HSPG2: variants seen among roughly 807,000 people sequenced by gnomAD.
The protein encoded by HSPG2 is basement membrane-specific heparan sulfate proteoglycan core protein.
Under a neutral mutation model 526.6 loss-of-function variants are expected in HSPG2, and 278 were observed. The observed-to-expected ratio is 0.53, with a 90% confidence interval of 0.48 to 0.58. HSPG2 has a LOEUF of 0.58. Ranked by LOEUF, HSPG2 falls within the 20% of genes least tolerant of loss-of-function variation. The probability of loss-of-function intolerance (pLI) is 0.00; values close to 1 mark genes in which losing one functional copy is unlikely to be tolerated. For missense variants in HSPG2, 5,354 were observed against 6,099.5 expected (o/e 0.88, Z 4.07); for synonymous variants, 2,465 against 2,555.4 (o/e 0.96, Z 1.07).
At chr1:21,867,890 C>T (rs376427347) in intron 33 of HSPG2, among the ~76,000 whole-genome samples, 23 of 152,208 alleles carry the variant, frequency 1.5e-4, no homozygotes, top group African/African-American at 3.6e-4. Context: ...CCAACACACC[C>T]GGCTAGTTTT....
At chr1:21,902,259 G>A (rs931231308) in intron 1 of HSPG2, among the ~76,000 whole-genome samples, 1 of 152,190 alleles carries the variant, frequency 6.6e-6, no homozygotes, top group African/African-American at 2.4e-5. Context: ...TGCTTGTGCT[G>A]CCCGTGCCAC....
In HSPG2 at chr1:21,884,550, A is replaced by G. The variant is rs748201279; in HGVS notation, c.1632T>C (p.Phe544=). The part of the protein sequence containing the change: ...RRFRDQIRLR[F]DQPDDFKGVN... ...CACCCTTGAAGTCATCGGGTTGGTC[A>G]AAGCGCAGCCTGATCTGGTCCCGGA... The change falls in exon 13 of 97, where the codon TTT becomes TTC. Residue 544 remains phenylalanine (F), a synonymous_variant. Coordinates refer to ENST00000374695, the MANE Select transcript of HSPG2 (RefSeq NM_005529.7). 98 of 1,611,146 alleles carry G rather than the reference A, an allele frequency of 6.1e-5. No homozygotes were observed. The highest frequency in any genetic ancestry group is 7.8e-5 in the Non-Finnish European group (92 of 1,179,912).
At chr1:21,929,937 TC>T (rs1373292405) in intron 1 of HSPG2, among the ~76,000 whole-genome samples, 2 of 152,002 alleles carry the variant, frequency 1.3e-5, no homozygotes, top group African/African-American at 4.8e-5. Context: ...CTCTGGACCC[TC>T]CCCGTGCTCC....
chr1:21,878,090 C>T, intron 21 of HSPG2, 96 bp downstream of exon 21: 2 of 1,171,464 alleles, frequency 1.7e-6, no homozygotes. Context: ...ACCCACTGGC[C>T]AAGGATCTAT....
rs1334714324 is a variant in HSPG2 at position 21,854,397 on chromosome 1, C to T, written c.6289-54G>A. ...AGGACAGGGACGGGGGCTATTGTCACCACTCCCTCAGCCTCAGTGATTCAT... is the reference window on the plus strand; with the variant it reads ...AGGACAGGGACGGGGGCTATTGTCATCACTCCCTCAGCCTCAGTGATTCAT... On this transcript the variant is annotated intron_variant, in intron 49 of 96. Coordinates refer to ENST00000374695, the MANE Select transcript of HSPG2 (RefSeq NM_005529.7). 3.2e-6 allele frequency: 5 copies of T among 1,545,702 alleles called. No homozygotes were observed. In the East Asian group the frequency reaches 1.2e-4, roughly 37 times the overall value.
Position 21,861,837 on chromosome 1 carries a change from G to A in HSPG2, c.4875C>T (p.Ser1625=). The A allele has an allele frequency of 6.2e-7, 1 of 1,613,594 alleles. No individual in the cohort carries two copies. The highest frequency in any genetic ancestry group is 8.5e-7 in the Non-Finnish European group (1 of 1,180,000). The change falls in exon 39 of 97, where the codon TCC becomes TCT. Residue 1625 remains serine (S), a synonymous_variant. Coordinates refer to ENST00000374695, the MANE Select transcript of HSPG2 (RefSeq NM_005529.7). Reference sequence around the variant, plus strand: ...CGGCTCCCAGGCTCTCACAGGTGCGGGAAAACCTGGGATCGGGGAGGCAAA... The same window carrying A: ...CGGCTCCCAGGCTCTCACAGGTGCGAGAAAACCTGGGATCGGGGAGGCAAA... ...CPLTNPENMF[S]RTCESLGAGG...
intron 22 of HSPG2, 45 bp downstream of exon 22, chr1:21,876,467 C>T (rs761152106): frequency 1.1e-5 from 18 of 1,612,660 alleles, no homozygotes; most frequent in Middle Eastern, 1.6e-4. Context: ...TTGGTCCATC[C>T]GGCCCAGGGC....
chr1:21,910,662 C>A, intron 1 of HSPG2, among the ~76,000 whole-genome samples: 1 of 152,172 alleles, frequency 6.6e-6, no homozygotes, highest in African/African-American at 2.4e-5. Flanking sequence ...CAGTAGGTGC[C>A]AAATAAATAT....
chr1:21,832,215 C>T (rs527563472), intron 81 of HSPG2, among the ~76,000 whole-genome samples: 6 of 152,190 alleles, frequency 3.9e-5, no homozygotes, highest in Non-Finnish European at 8.8e-5. Flanking sequence ...CAGTGCCTGG[C>T]ACACATGGGG....
intron 57 of HSPG2, among the ~76,000 whole-genome samples, chr1:21,849,719 G>A (rs1453135862): frequency 6.6e-6 from 1 of 151,628 alleles, no homozygotes; most frequent in African/African-American, 2.4e-5. Flanking sequence ...TTGCTCTGTC[G>A]CCCAGGCTGG....
Position 21,878,578 on chromosome 1 carries a change from T to C in HSPG2, c.2557A>G (p.Ser853Gly). ...APGYTGRRCE[S>G]CAPGYEGNPI... ...GCAGCCCCCAAGGCTCTCCCTCACCTCTCACAGCGGCGGCCAGTGTAGCCT... is the reference window on the plus strand; with the variant it reads ...GCAGCCCCCAAGGCTCTCCCTCACCCCTCACAGCGGCGGCCAGTGTAGCCT... The change falls in exon 19 of 97, where the codon AGC (serine) becomes GGC (glycine). Residue 853 changes from serine (S) to glycine (G), a missense_variant and splice_region_variant. Coordinates refer to ENST00000374695, the MANE Select transcript of HSPG2 (RefSeq NM_005529.7). 6.2e-7 allele frequency: 1 copy of C among 1,613,910 alleles called. No individual in the cohort carries two copies. The highest frequency in any genetic ancestry group is 1.3e-5 in the African/African-American group (1 of 74,976).
chr1:21,870,988 AC>A, intron 33 of HSPG2: 1 of 543,262 alleles, frequency 1.8e-6, no homozygotes, highest in Non-Finnish European at 2.3e-6. Context: ...GGGAGAAGGG[AC>A]CAGAAGGCAG....
intron 1 of HSPG2, among the ~76,000 whole-genome samples, chr1:21,923,936 A>G (rs1644115196): frequency 6.6e-6 from 1 of 152,200 alleles, no homozygotes; most frequent in African/African-American, 2.4e-5. Flanking sequence ...AGAGTTTAGG[A>G]ATCTTGTGAC....
chr1:21,879,240 G>A (rs1641324327), intron 17 of HSPG2, 119 bp from the exon 18 acceptor site: 1 of 1,198,166 alleles, frequency 8.3e-7, no homozygotes, highest in Admixed American at 1.9e-5. Context: ...CAGCTTTGCA[G>A]ACAGGGGAGC....
chr1:21,892,586 G>T (rs1255013859), intron 3 of HSPG2, among the ~76,000 whole-genome samples: 1 of 152,210 alleles, frequency 6.6e-6, no homozygotes, highest in Non-Finnish European at 1.5e-5. Flanking sequence ...TCAAGAACCA[G>T]CCCCCGGGCT....
At chr1:21,899,699 T>G (rs138247641) in intron 1 of HSPG2, among the ~76,000 whole-genome samples, 48 of 152,332 alleles carry the variant, frequency 3.2e-4, no homozygotes, top group African/African-American at 1.1e-3. Flanking sequence ...ATGCATTTCC[T>G]CAGCCTAGTA....
Position 21,838,916 on chromosome 1 carries a change from C to A in HSPG2, c.10059G>T (p.Glu3353Asp), listed in dbSNP as rs2098037776. 14 of 1,612,046 alleles carry A rather than the reference C, an allele frequency of 8.7e-6. No homozygotes were observed. The highest frequency in any genetic ancestry group is 1.3e-5 in the African/African-American group (1 of 74,912). The change falls in exon 74 of 97, where the codon GAG becomes GAT. Residue 3353 changes from glutamate (E) to aspartate (D), a missense_variant. Physicochemically the swap from Glu to Asp is conservative, Grantham distance 45. Transcript: ENST00000374695. Reference protein sequence around the residue: ...ATARNELLHFERAAPEDSGRY... With the variant: ...ATARNELLHFDRAAPEDSGRY... The stretch of plus-strand genomic sequence containing the variant: ...GGCCTGAGTCCTCAGGGGCTGCACG[C>A]TCAAAGTGCAGCAGCTCGTTCCTGG...
chr1:21,830,727 G>T (rs1260263175), intron 85 of HSPG2: 18 of 539,214 alleles, frequency 3.3e-5, no homozygotes, highest in African/African-American at 3.2e-4. Flanking sequence ...GGCTGGGGGT[G>T]GGGGAGTGCC....
chr1:21,887,380 C>G lies in HSPG2; in HGVS notation c.958+40G>C. The G allele has an allele frequency of 6.2e-7, 1 of 1,613,936 alleles. No homozygotes were observed. Among genetic ancestry groups the G allele is most frequent in the Non-Finnish European group, 8.5e-7 (1 of 1,179,938 alleles). ...CAGCAGCATCCTCCCGGGCCAGCTT[C>G]CTGCTCCCCGCACCCACCTGCACCC... On this transcript the variant is annotated intron_variant, in intron 8 of 96. Transcript: ENST00000374695. This position sits in a 1 kb window ranked among gnomAD's most constrained non-coding sequence, Gnocchi z 5.0.
Sources: gnomAD v4.1 joint callset for allele counts (sites outside exome capture counted in the v4.1 genomes callset) on GRCh38, gnomAD v4.1.1 for gene constraint, Gnocchi (gnomAD v3.1) non-coding constraint, MANE v1.5 for transcripts, NCBI Gene and HGNC (gene_info 2026-07-23, HGNC 2026-07-21) for gene names.